The following SPATA16 variants were observed in gnomAD, a reference collection of about 807,000 sequenced individuals.
The protein encoded by SPATA16 is spermatogenesis-associated protein 16.
SPATA16 carries 36 observed loss-of-function variants against 63.3 expected under a neutral mutation model. The observed-to-expected ratio is 0.57, with a 90% CI of 0.44 to 0.75. The LOEUF (loss-of-function observed/expected upper bound fraction) is 0.75. Ranked by LOEUF, SPATA16 falls within the 30% of genes least tolerant of loss-of-function variation. SPATA16 has a pLI of 0.00. For missense variants in SPATA16, 646 were observed against 679.3 expected, an observed-to-expected ratio of 0.95 and a Z score of 0.54; for synonymous variants, 203 against 216.7, an observed-to-expected ratio of 0.94 and a Z score of 0.56.
chr3:173,111,215 A>G (rs1737742023), intron 2 of SPATA16, among the ~76,000 whole-genome samples: 1 of 152,100 alleles, frequency 6.6e-6, no homozygotes, highest in Non-Finnish European at 1.5e-5. Context: ...TGTATGAGTA[A>G]AAGTGCCTAG....
intron 5 of SPATA16, among the ~76,000 whole-genome samples, chr3:172,971,066 C>G (rs770271299): frequency 7.3e-4 from 111 of 152,260 alleles, no homozygotes; most frequent in Non-Finnish European, 1.3e-3. Context: ...TTAGAGAAAT[C>G]TATTCACTTG....
chr3:172,935,527 TA>T (rs1413065197), intron 6 of SPATA16, among the ~76,000 whole-genome samples: 1 of 152,236 alleles, frequency 6.6e-6, no homozygotes, highest in East Asian at 1.9e-4. Context: ...CAAATATTTT[TA>T]GGCTCTTCTT....
intron 4 of SPATA16, among the ~76,000 whole-genome samples, chr3:173,010,851 C>T (rs987457909): frequency 2.4e-4 from 37 of 152,096 alleles, no homozygotes; most frequent in African/African-American, 8.9e-4. Flanking sequence ...TGACCTGAGG[C>T]TGCCCCTCCC....
At chr3:172,952,680 G>A (rs991474623) in intron 6 of SPATA16, among the ~76,000 whole-genome samples, 1 of 152,090 alleles carries the variant, frequency 6.6e-6, no homozygotes, top group African/African-American at 2.4e-5. Context: ...AGTGGCTCAC[G>A]CCTGTAATCC....
intron 2 of SPATA16, among the ~76,000 whole-genome samples, chr3:173,087,007 G>T (rs1256758858): frequency 6.6e-6 from 1 of 152,116 alleles, no homozygotes; most frequent in Non-Finnish European, 1.5e-5. Context: ...ATATTCTGTT[G>T]TTTTTGGGTG....
intron 3 of SPATA16, among the ~76,000 whole-genome samples, chr3:173,036,999 C>G (rs1735727873): frequency 6.6e-6 from 1 of 151,722 alleles, no homozygotes; most frequent in African/African-American, 2.4e-5. Flanking sequence ...AAGCAAAAAC[C>G]CTTTGGGATC....
chr3:173,074,743 T>C (rs887970064), intron 2 of SPATA16, among the ~76,000 whole-genome samples: 4 of 150,836 alleles, frequency 2.7e-5, no homozygotes, highest in Non-Finnish European at 5.9e-5. Flanking sequence ...GGGACAAGGG[T>C]TGAAAAACTA....
intron 2 of SPATA16, among the ~76,000 whole-genome samples, chr3:173,099,741 A>G (rs1737444948): frequency 6.6e-6 from 1 of 152,180 alleles, no homozygotes; most frequent in Non-Finnish European, 1.5e-5. Flanking sequence ...TCTCCTTGTG[A>G]TAGTCATGTT....
At chr3:173,088,210 A>T (rs1466620476) in intron 2 of SPATA16, among the ~76,000 whole-genome samples, 1 of 147,706 alleles carries the variant, frequency 6.8e-6, no homozygotes, top group South Asian at 2.1e-4. Context: ...TCAGCCTCCC[A>T]AGTAGCTGGT....
At chr3:173,099,849 C>T (rs1737448411) in intron 2 of SPATA16, among the ~76,000 whole-genome samples, 1 of 152,150 alleles carries the variant, frequency 6.6e-6, no homozygotes, top group Admixed American at 6.6e-5. Flanking sequence ...ATCACAGGCA[C>T]CTACGCCCCT....
intron 10 of SPATA16, among the ~76,000 whole-genome samples, chr3:172,896,782 T>C (rs1057150282): frequency 6.6e-6 from 1 of 152,152 alleles, no homozygotes; most frequent in Non-Finnish European, 1.5e-5. Flanking sequence ...ATTTTCAAAT[T>C]GGATCGGCTT....
rs375950067 is a variant in SPATA16, at chr3:173,082,733, A to G, written c.613-33639T>C. 2.9e-3 allele frequency among the ~76,000 whole-genome samples: 438 copies of G among 152,264 alleles called. 4 individuals carry two copies. Among genetic ancestry groups the G allele is most frequent in the Middle Eastern group, 0.01 (3 of 294 alleles). Reference sequence around the variant, plus strand: ...ACCCCGTGTGCCTCTCTCTTTGCCTAGAAGAGAGGAACACAGCTCAGGGCA... The same window carrying G: ...ACCCCGTGTGCCTCTCTCTTTGCCTGGAAGAGAGGAACACAGCTCAGGGCA... On this transcript the variant is annotated intron_variant, in intron 2 of 10. Transcript: ENST00000351008.
intron 4 of SPATA16, among the ~76,000 whole-genome samples, chr3:172,979,892 T>G (rs1734258431): frequency 6.6e-6 from 1 of 152,244 alleles, no homozygotes; most frequent in Non-Finnish European, 1.5e-5. Context: ...AGCTCCATAT[T>G]AGCTGAGATA....
intron 6 of SPATA16, among the ~76,000 whole-genome samples, chr3:172,932,241 GA>G (rs1291399732): frequency 6.6e-6 from 1 of 152,098 alleles, no homozygotes; most frequent in African/African-American, 2.4e-5. Context: ...TTCTTAAAAA[GA>G]AAAATCATAG....
intron 2 of SPATA16, among the ~76,000 whole-genome samples, chr3:173,114,048 C>T (rs1737821410): frequency 6.6e-6 from 1 of 152,002 alleles, no homozygotes; most frequent in Admixed American, 6.6e-5. Context: ...GGCGTGGTGG[C>T]AGGTGCCTGT....
intron 1 of SPATA16, among the ~76,000 whole-genome samples, chr3:173,139,916 C>G (rs1738662433): frequency 6.6e-6 from 1 of 152,106 alleles, no homozygotes; most frequent in Non-Finnish European, 1.5e-5. Flanking sequence ...ACCCAGGAGG[C>G]AGAGGTTGCA....
intron 4 of SPATA16, among the ~76,000 whole-genome samples, chr3:172,998,861 A>C (rs1027006904): frequency 6.6e-6 from 1 of 152,188 alleles, no homozygotes; most frequent in Non-Finnish European, 1.5e-5. Context: ...TTATTTTCAA[A>C]TATTGAATTA....
intron 3 of SPATA16, among the ~76,000 whole-genome samples, chr3:173,048,714 T>C (rs938160806): frequency 6.6e-6 from 1 of 152,220 alleles, no homozygotes; most frequent in Non-Finnish European, 1.5e-5. Flanking sequence ...TGCAGTTGTC[T>C]GCCTTTTAGT....
At chr3:173,004,461 C>A (rs1364116847) in intron 4 of SPATA16, among the ~76,000 whole-genome samples, 2 of 149,960 alleles carry the variant, frequency 1.3e-5, no homozygotes, top group African/African-American at 4.9e-5. Flanking sequence ...CCACCACCAA[C>A]AACAGCCAGA....
Sources: allele counts gnomAD v4.1 joint callset (sites outside exome capture counted in the v4.1 genomes callset), GRCh38; gene constraint gnomAD v4.1.1; transcripts MANE v1.5; gene names NCBI Gene and HGNC (gene_info 2026-07-23, HGNC 2026-07-21).